PCBP3: variants seen among roughly 807,000 people sequenced by gnomAD.
PCBP3 encodes the protein poly(rC)-binding protein 3.
PCBP3 carries 25 observed loss-of-function variants against 52.7 expected under a neutral mutation model. The observed-to-expected ratio is 0.47, with a 90% CI of 0.35 to 0.66. The LOEUF (loss-of-function observed/expected upper bound fraction) is 0.66. Ranked by LOEUF, PCBP3 falls within the 30% of genes least tolerant of loss-of-function variation. The pLI is 0.01. For synonymous variants in PCBP3, 162 were observed against 183.0 expected (o/e 0.89, Z 0.93); for missense variants, 391 against 490.3 (o/e 0.80, Z 1.91).
intron 2 of PCBP3, among the ~76,000 whole-genome samples, chr21:45,708,489 A>G (rs993186901): frequency 1.1e-4 from 16 of 152,354 alleles, no homozygotes; most frequent in African/African-American, 3.8e-4. Context: ...TTTGGAAACC[A>G]TAGAAATCTT....
intron 3 of PCBP3, among the ~76,000 whole-genome samples, chr21:45,743,320 A>G (rs1281396745): frequency 1.3e-5 from 2 of 152,234 alleles, no homozygotes; most frequent in African/African-American, 2.4e-5. Context: ...CCTTGACCCA[A>G]CATTCACCAT....
intron 12 of PCBP3, 89 bp downstream of exon 12, chr21:45,914,114 C>G (rs763624547): frequency 2.5e-6 from 4 of 1,600,250 alleles, no homozygotes; most frequent in Non-Finnish European, 3.4e-6. Context: ...CTCAGGTTTT[C>G]TCGCCTTCTC....
chr21:45,877,669 A>C (rs568093838), intron 5 of PCBP3, among the ~76,000 whole-genome samples: 1 of 152,234 alleles, frequency 6.6e-6, no homozygotes, highest in African/African-American at 2.4e-5. Flanking sequence ...GCCGGGTGTG[A>C]TGGTGGCACG....
At chr21:45,711,451 T>G (rs911895936) in intron 2 of PCBP3, among the ~76,000 whole-genome samples, 3 of 152,214 alleles carry the variant, frequency 2.0e-5, no homozygotes, top group Non-Finnish European at 4.4e-5. Flanking sequence ...CCTTGCTGGC[T>G]TCTCACTCCA....
Position 45,907,247 on chromosome 21 carries a change from G to A in PCBP3, c.340-2108G>A, listed in dbSNP as rs371462692. 3.0e-3 allele frequency among the ~76,000 whole-genome samples: 464 copies of A among 152,346 alleles called. 1 individual carries two copies. Among genetic ancestry groups the A allele is most frequent in the African/African-American group, 0.01 (429 of 41,558 alleles). ...GGGCGCCTAGCTCTCTGGTCTGCAG[G>A]AGTCCTGGCTCATTTTTGTTCCAGA... is the stretch of plus-strand genomic sequence containing the variant. On this transcript the variant is annotated intron_variant, in intron 9 of 17. Transcript: ENST00000681687.
intron 2 of PCBP3, among the ~76,000 whole-genome samples, chr21:45,728,163 G>A (rs1393093415): frequency 6.6e-6 from 1 of 152,130 alleles, no homozygotes; most frequent in Non-Finnish European, 1.5e-5. Flanking sequence ...GTCTAACTTT[G>A]TTCCTGAATT....
At chr21:45,756,592 C>T (rs2088067925) in intron 4 of PCBP3, among the ~76,000 whole-genome samples, 1 of 152,072 alleles carries the variant, frequency 6.6e-6, no homozygotes, top group Admixed American at 6.6e-5. Context: ...ATTCACACAC[C>T]ATAGACTTCA....
intron 1 of PCBP3, among the ~76,000 whole-genome samples, chr21:45,657,837 A>G (rs2080116914): frequency 6.6e-6 from 1 of 152,188 alleles, no homozygotes; most frequent in East Asian, 1.9e-4. Flanking sequence ...TTTATATGCA[A>G]GATTATATTA....
intron 2 of PCBP3, among the ~76,000 whole-genome samples, chr21:45,706,317 G>T: frequency 6.6e-6 from 1 of 152,172 alleles, no homozygotes; most frequent in East Asian, 1.9e-4. Flanking sequence ...CTAGCAGCAG[G>T]TTCATTGATT....
At chr21:45,937,121 C>T (rs141256264) in intron 16 of PCBP3, among the ~76,000 whole-genome samples, 5 of 152,366 alleles carry the variant, frequency 3.3e-5, no homozygotes, top group South Asian at 2.1e-4. Flanking sequence ...ATAAAATGGG[C>T]GTGCTTGTTC....
intron 4 of PCBP3, among the ~76,000 whole-genome samples, chr21:45,796,293 A>G (rs1001195953): frequency 1.3e-5 from 2 of 152,240 alleles, no homozygotes; most frequent in East Asian, 3.8e-4. Flanking sequence ...ATGTGCAATC[A>G]TAAGTAAAGT....
intron 5 of PCBP3, among the ~76,000 whole-genome samples, chr21:45,861,970 C>T (rs1338997099): frequency 2.0e-5 from 3 of 152,162 alleles, no homozygotes; most frequent in South Asian, 2.1e-4. Context: ...TGGGAAGGGT[C>T]GGCCTGTCTG....
intron 2 of PCBP3, among the ~76,000 whole-genome samples, chr21:45,730,424 G>C (rs1392535459): frequency 6.6e-6 from 1 of 151,494 alleles, no homozygotes; most frequent in Non-Finnish European, 1.5e-5. Flanking sequence ...TTCCTTTACA[G>C]TTTTATTGAA....
At chr21:45,678,316 A>T (rs1392011958) in intron 2 of PCBP3, among the ~76,000 whole-genome samples, 1 of 151,526 alleles carries the variant, frequency 6.6e-6, no homozygotes, top group Non-Finnish European at 1.5e-5. Flanking sequence ...AAAAAAAAAA[A>T]AAAATAATAA....
chr21:45,886,124 G>C (rs1395440985), intron 5 of PCBP3, among the ~76,000 whole-genome samples: 1 of 101,468 alleles, frequency 9.9e-6, no homozygotes, highest in Non-Finnish European at 2.5e-5. Flanking sequence ...ATTGCCGCTG[G>C]TACCAAGGAC....
rs879571126 is a variant in PCBP3, at chr21:45,737,116, AGTGCCGCGGGTTAGGAGGTGAGG to A, written c.-162+1692_-162+1714del. Among the ~76,000 whole-genome samples, 4 of 151,920 alleles carry A rather than the reference AGTGCCGCGGGTTAGGAGGTGAGG, an allele frequency of 2.6e-5. No individual in the cohort carries two copies. Among genetic ancestry groups the A allele is most frequent in the South Asian group, 2.1e-4 (1 of 4,826 alleles). On this transcript the variant is annotated intron_variant, in intron 3 of 17. Transcript: ENST00000681687. The surrounding 1 kb of genome is among the most constrained non-coding windows in gnomAD (Gnocchi z 4.9). Reference sequence around the variant, plus strand: ...AGGAGGCTGCGGGGCAGGAGGTGAGAGTGCCGCGGGTTAGGAGGTGAGGGTGCAGCTGGGGCACATCAGGGGTC... The same window carrying A: ...AGGAGGCTGCGGGGCAGGAGGTGAGAGTGCAGCTGGGGCACATCAGGGGTC...
rs1218989237 is a variant in PCBP3 at position 45,762,487 on chromosome 21, TTCTC to T, written c.-126+7037_-126+7040del. Reference sequence around the variant, plus strand: ...TGCTTCACCTTTTTCTTTTCTTTTCTTCTCTTTTTTTTTTTTTTTTGAGACAGAG... The same window carrying T: ...TGCTTCACCTTTTTCTTTTCTTTTCTTTTTTTTTTTTTTTTTGAGACAGAG... On this transcript the variant is annotated intron_variant, in intron 4 of 17. Transcript: ENST00000681687. 1.6e-4 allele frequency: 21 copies of T among 129,702 alleles called. 1 individual carries two copies. The highest frequency in any genetic ancestry group is 5.7e-4 in the African/African-American group (21 of 36,942). The allele number at this position is 129,702 out of a possible 1,614,324, so 8.0% of individuals were successfully genotyped here.
At chr21:45,875,286 C>CCGTGCTG (rs1376884022) in intron 5 of PCBP3, among the ~76,000 whole-genome samples, 2 of 152,214 alleles carry the variant, frequency 1.3e-5, no homozygotes, top group East Asian at 3.9e-4. Context: ...GGGGGCCCCT[C>CCGTGCTG]CGTGCTGCGT....
chr21:45,816,039 AGTGAGTG>A (rs1191710645), intron 4 of PCBP3, among the ~76,000 whole-genome samples: 21 of 86,052 alleles, frequency 2.4e-4, no homozygotes, highest in East Asian at 1.5e-3. Flanking sequence ...GTGAGTGGTG[AGTGAGTG>A]GTGAGTGGTG....
Sources: gnomAD v4.1 joint callset for allele counts (sites outside exome capture counted in the v4.1 genomes callset) on GRCh38, gnomAD v4.1.1 for gene constraint, Gnocchi (gnomAD v3.1) non-coding constraint, MANE v1.5 for transcripts, NCBI Gene and HGNC (gene_info 2026-07-23, HGNC 2026-07-21) for gene names.